Variants in CREB5 observed in about 807,000 individuals in gnomAD.
CREB5 encodes the protein cAMP responsive element binding protein 5.
In CREB5, 19 loss-of-function variants were observed where a neutral mutation model predicts 57.1. The observed-to-expected ratio is 0.33, with a 90% CI of 0.23 to 0.49. The LOEUF is 0.49. CREB5 is among the 20% of genes least tolerant of loss of function. CREB5 has a pLI of 0.99. For synonymous variants in CREB5, 238 were observed against 238.3 expected (o/e 1.00, Z 0.01); for missense variants, 579 against 671.6 (o/e 0.86, Z 1.52).
intron 5 of CREB5, among the ~76,000 whole-genome samples, chr7:28,672,924 A>T (rs891631473): frequency 6.6e-6 from 1 of 152,210 alleles, no homozygotes; most frequent in African/African-American, 2.4e-5. Flanking sequence ...TTCTTTTTCC[A>T]TAAATTTGAA....
intron 5 of CREB5, among the ~76,000 whole-genome samples, chr7:28,584,683 C>T (rs1051108138): frequency 6.6e-6 from 1 of 152,026 alleles, no homozygotes; most frequent in Admixed American, 6.6e-5. Flanking sequence ...TTTTAAACCA[C>T]CCAGTTTGTG....
chr7:28,560,989 T>C lies in CREB5; in HGVS notation c.292-9376T>C, dbSNP rs74415553. Among the ~76,000 whole-genome samples, 215 of 34,662 alleles carry C rather than the reference T, an allele frequency of 6.2e-3. 17 individuals carry two copies. Among genetic ancestry groups the C allele is most frequent in the East Asian group, 0.016 (25 of 1,560 alleles). The allele number at this position is 34,662 out of a possible 152,430, so 22.7% of individuals were successfully genotyped here. A position where few individuals can be genotyped will look rare whatever the true frequency, so the allele number is the denominator to read the frequency against. On this transcript the variant is annotated intron_variant, in intron 4 of 10. Coordinates refer to ENST00000357727, the MANE Select transcript of CREB5 (RefSeq NM_182898.4). The stretch of plus-strand genomic sequence containing the variant: ...GTGTGTGTGCGTGTGTGCGTGCGTG[T>C]GTGTGCCTGCGTGTGCGTGTGTGTG...
chr7:28,361,481 A>T (rs574219606), intron 1 of CREB5, among the ~76,000 whole-genome samples: 3 of 152,228 alleles, frequency 2.0e-5, no homozygotes, highest in African/African-American at 7.2e-5. Context: ...TCCCTGCCCC[A>T]GCCCAGCTAG....
chr7:28,590,382 C>T (rs1474348020), intron 5 of CREB5, among the ~76,000 whole-genome samples: 2 of 151,656 alleles, frequency 1.3e-5, no homozygotes, highest in Non-Finnish European at 2.9e-5. Flanking sequence ...TTTGTAGGGA[C>T]ATGGATGAAG....
At chr7:28,657,716 C>CG (rs1491457307) in intron 5 of CREB5, among the ~76,000 whole-genome samples, 1,353 of 32,670 alleles carry the variant, frequency 0.041, 28 homozygotes, top group African/African-American at 0.14. Context: ...GACTCTCTCT[C>CG]GAAAAAAAAA....
chr7:28,514,710 T>G, intron 4 of CREB5, among the ~76,000 whole-genome samples: 1 of 152,212 alleles, frequency 6.6e-6, no homozygotes, highest in Non-Finnish European at 1.5e-5. Context: ...AGGTTTTATT[T>G]ATATTTGCTA....
rs538822660 is a variant in CREB5, at chr7:28,746,339, G to A, written c.702+22007G>A. Among the ~76,000 whole-genome samples, 24 of 152,320 alleles carry A rather than the reference G, an allele frequency of 1.6e-4. No homozygotes were observed. In the South Asian group the frequency reaches 5.0e-3, roughly 32 times the overall value. On this transcript the variant is annotated intron_variant, in intron 7 of 10. Transcript: ENST00000357727. ...TGTAAGTTCAACATGGCATTAGTCT[G>A]TAGAGGCTCGTTTCAATACCACAAA...
At chr7:28,801,538 A>C (rs1390363888) in intron 7 of CREB5, among the ~76,000 whole-genome samples, 1 of 152,206 alleles carries the variant, frequency 6.6e-6, no homozygotes, top group African/African-American at 2.4e-5. Context: ...AGTCAAATAA[A>C]AGTTTTTAAA....
At chr7:28,559,231 T>C (rs1298391625) in intron 4 of CREB5, among the ~76,000 whole-genome samples, 2 of 152,216 alleles carry the variant, frequency 1.3e-5, no homozygotes, top group African/African-American at 2.4e-5. Flanking sequence ...ACATGGCAAA[T>C]TGAGGAGACT....
intron 5 of CREB5, among the ~76,000 whole-genome samples, chr7:28,617,764 A>G (rs985126468): frequency 2.6e-5 from 4 of 152,234 alleles, no homozygotes; most frequent in Non-Finnish European, 4.4e-5. Flanking sequence ...GCAGCGCTCT[A>G]TTTTTAAAAA....
At chr7:28,373,940 T>C (rs1038614626) in intron 1 of CREB5, among the ~76,000 whole-genome samples, 2 of 151,200 alleles carry the variant, frequency 1.3e-5, no homozygotes, top group Non-Finnish European at 3.0e-5. Context: ...ACTTTCTAGT[T>C]TTATAAACAC....
At chr7:28,360,045 A>G (rs1786436718) in intron 1 of CREB5, among the ~76,000 whole-genome samples, 1 of 152,236 alleles carries the variant, frequency 6.6e-6, no homozygotes, top group South Asian at 2.1e-4. Context: ...TACCGGTCAG[A>G]ATGACTATTC....
intron 1 of CREB5, among the ~76,000 whole-genome samples, chr7:28,382,614 C>T (rs960537008): frequency 8.5e-5 from 13 of 152,060 alleles, no homozygotes; most frequent in Non-Finnish European, 1.9e-4. Context: ...ATCATCTCCT[C>T]CTCTCCAAAG....
At chr7:28,552,964 G>T (rs923436132) in intron 4 of CREB5, among the ~76,000 whole-genome samples, 9 of 152,202 alleles carry the variant, frequency 5.9e-5, no homozygotes, top group African/African-American at 1.9e-4. Flanking sequence ...TAGTCAACCA[G>T]AATAGCCATT....
chr7:28,699,207 C>A (rs958354167), intron 5 of CREB5, among the ~76,000 whole-genome samples: 2 of 148,944 alleles, frequency 1.3e-5, no homozygotes, highest in Non-Finnish European at 3.0e-5. Flanking sequence ...AAAGAAAGGG[C>A]GTATTCAGTG....
intron 5 of CREB5, among the ~76,000 whole-genome samples, chr7:28,591,539 T>A (rs1427196716): frequency 6.6e-6 from 1 of 152,162 alleles, no homozygotes; most frequent in Non-Finnish European, 1.5e-5. Flanking sequence ...AAGCCACAGT[T>A]AATTGCTGCT....
chr7:28,373,638 C>T (rs1332531631), intron 1 of CREB5, among the ~76,000 whole-genome samples: 2 of 151,606 alleles, frequency 1.3e-5, no homozygotes, highest in Non-Finnish European at 2.9e-5. Flanking sequence ...GTTACCCAGG[C>T]TGGTCTCCAA....
chr7:28,432,973 T>C (rs1788787451), intron 1 of CREB5, among the ~76,000 whole-genome samples: 1 of 152,248 alleles, frequency 6.6e-6, no homozygotes, highest in Non-Finnish European at 1.5e-5. Context: ...CATTATTTTG[T>C]GAACATTTCC....
intron 7 of CREB5, among the ~76,000 whole-genome samples, chr7:28,796,866 G>T (rs1410533844): frequency 6.6e-6 from 1 of 152,184 alleles, no homozygotes; most frequent in Non-Finnish European, 1.5e-5. Context: ...ATGGAGCTAA[G>T]ACTAGCTCTG....
Sources: allele counts gnomAD v4.1 joint callset (sites outside exome capture counted in the v4.1 genomes callset), GRCh38; gene constraint gnomAD v4.1.1; transcripts MANE v1.5; gene names NCBI Gene and HGNC (gene_info 2026-07-23, HGNC 2026-07-21).